The following CUBN variants were observed in gnomAD, a reference collection of about 807,000 sequenced individuals.
CUBN encodes 460 kDa receptor.
Under a neutral mutation model 405.3 loss-of-function variants are expected in CUBN, and 282 were observed. The observed-to-expected ratio is 0.70, with a 90% confidence interval of 0.63 to 0.77. The LOEUF (loss-of-function observed/expected upper bound fraction) is 0.77. CUBN is among the 30% of genes least tolerant of loss of function. The pLI, the probability that CUBN is intolerant of heterozygous loss-of-function variation, is 0.00. For synonymous variants in CUBN, 1,684 were observed against 1,617.0 expected, an observed-to-expected ratio of 1.04 and a Z score of -0.99; for missense variants, 4,514 against 4,475.2, an observed-to-expected ratio of 1.01 and a Z score of -0.25.
chr10:17,122,972 GT>G, intron 5 of CUBN, 74 bp from the exon 6 acceptor site: 1 of 1,008,586 alleles, frequency 9.9e-7, no homozygotes, highest in Non-Finnish European at 1.6e-6. Flanking sequence ...CACATGATAC[GT>G]TTAAGGATTT....
At chr10:17,070,265 T>C (rs1434245694) in intron 19 of CUBN, among the ~76,000 whole-genome samples, 3 of 152,254 alleles carry the variant, frequency 2.0e-5, no homozygotes, top group African/African-American at 7.2e-5. Context: ...GTCTTGATTA[T>C]TGTAGCTTTG....
chr10:16,857,341 A>C (rs1466572572), intron 59 of CUBN, among the ~76,000 whole-genome samples: 1 of 152,246 alleles, frequency 6.6e-6, no homozygotes, highest in African/African-American at 2.4e-5. Context: ...ATGGTAATTT[A>C]CTAAAAGAAA....
chr10:17,000,621 A>G (rs1368673641), intron 28 of CUBN, among the ~76,000 whole-genome samples: 1 of 152,202 alleles, frequency 6.6e-6, no homozygotes, highest in Non-Finnish European at 1.5e-5. Flanking sequence ...GCATTGCAAT[A>G]TCATTTGACC....
intron 62 of CUBN, among the ~76,000 whole-genome samples, chr10:16,838,848 A>G (rs1273646239): frequency 6.6e-6 from 1 of 152,140 alleles, no homozygotes; most frequent in East Asian, 1.9e-4. Flanking sequence ...GTTTCACCAC[A>G]CTGGCCAGGC....
At chr10:17,028,728 A>G (rs1226759048) in intron 27 of CUBN, among the ~76,000 whole-genome samples, 3 of 151,600 alleles carry the variant, frequency 2.0e-5, no homozygotes, top group South Asian at 2.1e-4. Context: ...CTCAAAAAAA[A>G]AAAGAAAGAA....
At position 16,990,481 on chromosome 10, in the gene CUBN, G is replaced by T. The variant is rs1424365562; in HGVS notation, c.4203C>A (p.Ser1401=). The T allele has an allele frequency of 1.2e-6, 2 of 1,614,170 alleles. No individual in the cohort carries two copies. Among genetic ancestry groups the T allele is most frequent in the Non-Finnish European group, 1.7e-6 (2 of 1,180,030 alleles). The change falls in exon 29 of 67, where the codon TCC becomes TCA. Residue 1401 remains serine, a synonymous_variant. Coordinates refer to ENST00000377833, the MANE Select transcript of CUBN (RefSeq NM_001081.4). The part of the protein sequence containing the change: ...CGGELSGATG[S]FSSPGFPNRY... ...TGTTGGGGAACCCGGGGCTGCTGAAGGAGCCTGTGGCCCCAGACAGCTCTC... is the reference window on the plus strand; with the variant it reads ...TGTTGGGGAACCCGGGGCTGCTGAATGAGCCTGTGGCCCCAGACAGCTCTC...
intron 14 of CUBN, among the ~76,000 whole-genome samples, chr10:17,099,373 G>A (rs1237965378): frequency 6.6e-6 from 1 of 152,104 alleles, no homozygotes; most frequent in Admixed American, 6.6e-5. Context: ...ACTACATGAA[G>A]GGGTGGACAA....
Position 16,861,867 on chromosome 10 carries a change from G to A in CUBN, c.9454+7769C>T, listed in dbSNP as rs138279615. ...ACATTTCTGTTAAAAAGAATCCCTG[G>A]GGGCTGGGCGCAGTGGCTCACACCT... On this transcript the variant is annotated intron_variant, in intron 59 of 66. Coordinates refer to ENST00000377833, the MANE Select transcript of CUBN (RefSeq NM_001081.4). Among the ~76,000 whole-genome samples the A allele has an allele frequency of 7.1e-3, 1,079 of 151,948 alleles. 14 individuals are homozygous for A. Among genetic ancestry groups the A allele is most frequent in the African/African-American group, 0.023 (970 of 41,444 alleles).
chr10:16,913,771 A>T, intron 48 of CUBN, 40 bp downstream of exon 48: 1 of 1,610,674 alleles, frequency 6.2e-7, no homozygotes, highest in Non-Finnish European at 8.5e-7. Context: ...AACTCTTTAA[A>T]TGATGGAATA....
At chr10:16,945,004 A>C (rs1459014896) in intron 36 of CUBN, among the ~76,000 whole-genome samples, 7 of 152,220 alleles carry the variant, frequency 4.6e-5, no homozygotes, top group African/African-American at 1.7e-4. Flanking sequence ...AATTACTATA[A>C]ATTTGTTTAT....
chr10:17,126,737 G>T (rs1242059338), intron 4 of CUBN, 24 bp downstream of exon 4: 8 of 1,611,884 alleles, frequency 5.0e-6, no homozygotes, highest in Non-Finnish European at 6.8e-6. Context: ...GAAAGATTTG[G>T]GTATGTAGTA....
chr10:16,942,210 G>A (rs1050409710), intron 36 of CUBN, among the ~76,000 whole-genome samples: 8 of 152,230 alleles, frequency 5.3e-5, no homozygotes, highest in Admixed American at 2.6e-4. Flanking sequence ...TATATTCCTC[G>A]TGGGACTGCA....
chr10:17,129,744 A>G lies in CUBN; in HGVS notation c.22T>C (p.Phe8Leu), dbSNP rs747080741. MMNMSLP[F>L]LWSLLTLLIF... ...AATAAGGTAAGCAAACTCCAAAGAA[A>G]AGGTAAAGACATGTTCATCATCAAC... Residue 8 changes from phenylalanine to leucine, a missense_variant, in exon 1 of 67, where the codon TTT becomes CTT. Around this residue, in one of 5 missense-constraint regions of CUBN, gnomAD observed 1,448 missense variants for 1,388.0 expected, o/e 1.04. Coordinates refer to ENST00000377833, the MANE Select transcript of CUBN (RefSeq NM_001081.4). 9 of 1,614,020 alleles carry G rather than the reference A, an allele frequency of 5.6e-6. No homozygotes were observed. The East Asian group carries it at 2.0e-4, about 36-fold the overall frequency.
intron 34 of CUBN, among the ~76,000 whole-genome samples, chr10:16,949,722 G>T (rs1009618366): frequency 2.0e-5 from 3 of 152,014 alleles, no homozygotes; most frequent in African/African-American, 7.3e-5. Context: ...GCTGGGATGG[G>T]TTGCATTCCA....
chr10:17,058,105 G>A (rs545669316), intron 22 of CUBN, among the ~76,000 whole-genome samples: 2 of 152,074 alleles, frequency 1.3e-5, no homozygotes, highest in South Asian at 4.2e-4. Context: ...CTGGGTGACA[G>A]AGAGACTCCG....
intron 31 of CUBN, among the ~76,000 whole-genome samples, chr10:16,973,547 T>C (rs1833002560): frequency 6.6e-6 from 1 of 152,176 alleles, no homozygotes; most frequent in South Asian, 2.1e-4. Context: ...TAGAGGTAAA[T>C]TGCCTGTCAT....
At chr10:17,106,252 T>C (rs937998371) in intron 10 of CUBN, among the ~76,000 whole-genome samples, 46 of 151,996 alleles carry the variant, frequency 3.0e-4, no homozygotes, top group Non-Finnish European at 4.1e-4. Flanking sequence ...GCCACTGCAC[T>C]CCAGCCTGGG....
At chr10:16,972,227 T>C (rs1162710346) in intron 31 of CUBN, among the ~76,000 whole-genome samples, 1 of 152,112 alleles carries the variant, frequency 6.6e-6, no homozygotes, top group Non-Finnish European at 1.5e-5. Flanking sequence ...CCCTTTCTCT[T>C]GGTAAAATAC....
intron 7 of CUBN, 57 bp downstream of exon 7, chr10:17,115,414 G>A: frequency 1.2e-6 from 2 of 1,609,398 alleles, no homozygotes; most frequent in South Asian, 1.1e-5. Flanking sequence ...CATAGGAGGA[G>A]GAGGAGCTAC....
Sources: gnomAD v4.1 joint callset for allele counts (sites outside exome capture counted in the v4.1 genomes callset) on GRCh38, gnomAD v4.1.1 for gene constraint, gnomAD v4.1.1 regional missense constraint, MANE v1.5 for transcripts, NCBI Gene and HGNC (gene_info 2026-07-23, HGNC 2026-07-21) for gene names.